The following ASAP2 variants were observed in gnomAD, a reference collection of about 807,000 sequenced individuals.
ASAP2 encodes ArfGAP with SH3 domain, ankyrin repeat and PH domain 2.
ASAP2 carries 45 observed loss-of-function variants against 131.4 expected under a neutral mutation model. The ratio of observed to expected loss-of-function variants is 0.34; its 90% CI spans 0.27 to 0.44. ASAP2 has a LOEUF of 0.44. Among genes scored for constraint, ASAP2 ranks in the 20% least tolerant of loss-of-function variants. The pLI, the probability that ASAP2 is intolerant of heterozygous loss-of-function variation, is 1.00. For missense variants in ASAP2, 1,011 were observed against 1,297.0 expected (o/e 0.78, Z 3.39); for synonymous variants, 510 against 503.0 (o/e 1.01, Z -0.19).
chr2:9,348,468 G>A (rs568948067), intron 11 of ASAP2, among the ~76,000 whole-genome samples: 2 of 152,270 alleles, frequency 1.3e-5, no homozygotes, highest in South Asian at 4.1e-4. Context: ...GATTTTAATG[G>A]ATAGAATTTT....
chr2:9,367,482 C>A (rs1216678391), intron 15 of ASAP2, among the ~76,000 whole-genome samples: 1 of 152,130 alleles, frequency 6.6e-6, no homozygotes, highest in Non-Finnish European at 1.5e-5. Context: ...CTGACCTGGC[C>A]AGGCGCAGCG....
chr2:9,209,409 G>A (rs1661374207), intron 1 of ASAP2, among the ~76,000 whole-genome samples: 1 of 152,152 alleles, frequency 6.6e-6, no homozygotes, highest in African/African-American at 2.4e-5. Context: ...AACAATTGAT[G>A]TGTACAGTAT....
chr2:9,346,181 G>A (rs1047774297), intron 11 of ASAP2, among the ~76,000 whole-genome samples: 3 of 152,038 alleles, frequency 2.0e-5, no homozygotes, highest in Admixed American at 1.3e-4. Context: ...TAATCCTAGC[G>A]CTTAGGGAGG....
chr2:9,245,142 T>G (rs568149438), intron 1 of ASAP2, among the ~76,000 whole-genome samples: 1 of 152,350 alleles, frequency 6.6e-6, no homozygotes, highest in African/African-American at 2.4e-5. Context: ...ATATTGTTAT[T>G]AATAGAGATT....
intron 7 of ASAP2, 134 bp from the exon 8 acceptor site, chr2:9,334,604 G>A (rs1260615034): frequency 5.7e-6 from 4 of 703,528 alleles, no homozygotes; most frequent in Admixed American, 3.0e-5. Context: ...ATATTTTAAG[G>A]TTCTGTTCAT....
At chr2:9,379,174 G>A (rs1674639091) in intron 19 of ASAP2, 115 bp downstream of exon 19, 1 of 613,510 alleles carries the variant, frequency 1.6e-6, no homozygotes, top group Non-Finnish European at 2.5e-6. Flanking sequence ...TCTTGTTAGT[G>A]CCAAAGAGAA....
At chr2:9,331,031 G>A (rs78792604) in intron 7 of ASAP2, among the ~76,000 whole-genome samples, 1,793 of 152,344 alleles carry the variant, frequency 0.012, 38 homozygotes, top group East Asian at 0.079. Flanking sequence ...GTAAGAGCTC[G>A]CAGCCGTGCG....
intron 1 of ASAP2, among the ~76,000 whole-genome samples, chr2:9,264,326 A>G (rs1288948451): frequency 1.3e-5 from 2 of 152,218 alleles, no homozygotes; most frequent in Non-Finnish European, 2.9e-5. Flanking sequence ...TTCTGCAGGC[A>G]TGTCTTCCAG....
intron 1 of ASAP2, among the ~76,000 whole-genome samples, chr2:9,235,856 G>A (rs1435337731): frequency 6.6e-6 from 1 of 152,178 alleles, no homozygotes; most frequent in African/African-American, 2.4e-5. Context: ...TCCCATGAAT[G>A]GCAAGGGCAG....
intron 19 of ASAP2, 116 bp from the exon 20 acceptor site, chr2:9,380,625 A>T: frequency 2.1e-6 from 2 of 952,956 alleles, no homozygotes; most frequent in African/African-American, 1.6e-5. Context: ...GGATTTCATT[A>T]ACCAGGCCCA....
In ASAP2 at chr2:9,401,384, C is replaced by T; in HGVS notation, c.2934C>T (p.Asp978=). The part of the protein sequence containing the change: ...GDVIIVDGEE[D]QEWWIGHIDG... ...TGATCATCGTGGACGGGGAGGAGGACCAGGAGTGGTGGGTGAGTCAAGGGT... is the reference window on the plus strand; with the variant it reads ...TGATCATCGTGGACGGGGAGGAGGATCAGGAGTGGTGGGTGAGTCAAGGGT... Residue 978 remains aspartate (D), a synonymous_variant, in exon 27 of 28, where the codon GAC becomes GAT. Coordinates refer to ENST00000281419, the MANE Select transcript of ASAP2 (RefSeq NM_003887.3). The T allele has an allele frequency of 6.2e-7, 1 of 1,613,404 alleles. No individual in the cohort carries two copies. The highest frequency in any genetic ancestry group is 8.5e-7 in the Non-Finnish European group (1 of 1,179,820).
In ASAP2 at chr2:9,235,496, C is replaced by CAGCA. The variant is rs60911999; in HGVS notation, c.126+28267_126+28270dup. ...GAGGCCGGATGTGTAAATCATCCTG[C>CAGCA]AGCAGTTCTGTCTTGTATGGCCGGA... On this transcript the variant is annotated intron_variant, in intron 1 of 27. Transcript: ENST00000281419. 9.5e-3 allele frequency among the ~76,000 whole-genome samples: 1,453 copies of CAGCA among 152,300 alleles called. 16 individuals carry two copies. The highest frequency in any genetic ancestry group is 0.034 in the African/African-American group (1,392 of 41,552).
At chr2:9,261,695 G>T (rs553844952) in intron 1 of ASAP2, among the ~76,000 whole-genome samples, 1 of 152,250 alleles carries the variant, frequency 6.6e-6, no homozygotes, top group Non-Finnish European at 1.5e-5. Context: ...CAGTGTGGCC[G>T]AGTGTAGGAG....
chr2:9,247,299 C>T (rs1333246090), intron 1 of ASAP2, among the ~76,000 whole-genome samples: 1 of 152,306 alleles, frequency 6.6e-6, no homozygotes, highest in East Asian at 1.9e-4. Context: ...AGGAGACTGA[C>T]TTGCCCTTCA....
intron 11 of ASAP2, chr2:9,350,541 G>A: frequency 2.9e-6 from 1 of 339,414 alleles, no homozygotes; most frequent in Non-Finnish European, 5.4e-6. Flanking sequence ...CAGCCTCAAA[G>A]CTGGCATCGC....
At chr2:9,387,506 A>C (rs1675372606) in intron 21 of ASAP2, among the ~76,000 whole-genome samples, 1 of 152,198 alleles carries the variant, frequency 6.6e-6, no homozygotes, top group Non-Finnish European at 1.5e-5. Context: ...TATGGGAGGA[A>C]AACATCGATC....
At chr2:9,211,059 G>A (rs1661509146) in intron 1 of ASAP2, among the ~76,000 whole-genome samples, 1 of 151,938 alleles carries the variant, frequency 6.6e-6, no homozygotes, top group Non-Finnish European at 1.5e-5. Flanking sequence ...GGAGGCTGAG[G>A]CAGGAGAATC....
At chr2:9,241,227 T>G (rs1663940009) in intron 1 of ASAP2, among the ~76,000 whole-genome samples, 1 of 152,210 alleles carries the variant, frequency 6.6e-6, no homozygotes, top group East Asian at 1.9e-4. Flanking sequence ...CTTTCTTAAT[T>G]TAGCATGTGT....
chr2:9,400,411 CCT>C (rs1404026392), intron 25 of ASAP2, among the ~76,000 whole-genome samples: 3 of 113,568 alleles, frequency 2.6e-5, no homozygotes, highest in Admixed American at 8.6e-5. Flanking sequence ...CCCCTCCCCT[CCT>C]CTCACCCTCC....
Sources: gnomAD v4.1 joint callset for allele counts (sites outside exome capture counted in the v4.1 genomes callset) on GRCh38, gnomAD v4.1.1 for gene constraint, MANE v1.5 for transcripts, NCBI Gene and HGNC (gene_info 2026-07-23, HGNC 2026-07-21) for gene names.